LRRTM4: variants seen among roughly 807,000 people sequenced by gnomAD.
LRRTM4 encodes the protein leucine-rich repeat transmembrane neuronal protein 4.
LRRTM4 carries 25 observed loss-of-function variants against 47.6 expected under a neutral mutation model. The observed-to-expected ratio is 0.53, with a 90% CI of 0.38 to 0.73. The LOEUF (loss-of-function observed/expected upper bound fraction) is 0.73, where lower values mean the gene tolerates loss of function less well. Among genes scored for constraint, LRRTM4 ranks in the 30% least tolerant of loss-of-function variants. LRRTM4 has a pLI of 0.00. For missense variants in LRRTM4, 638 were observed against 713.4 expected (o/e 0.89, Z 1.20); for synonymous variants, 311 against 269.5 (o/e 1.15, Z -1.51).
Position 77,411,451 on chromosome 2 carries a change from C to CTT in LRRTM4, c.1551+106865_1551+106866dup, listed in dbSNP as rs138496739. ...CTCTCTCTCTCTCTCTCTCTTTCTTCTTTTTTTTTTTTTTTTTTTGAGACG... is the reference window on the plus strand; with the variant it reads ...CTCTCTCTCTCTCTCTCTCTTTCTTCTTTTTTTTTTTTTTTTTTTTTGAGACG... On this transcript the variant is annotated intron_variant, in intron 3 of 3. Transcript: ENST00000409884. 9.1e-4 allele frequency among the ~76,000 whole-genome samples: 105 copies of CTT among 116,018 alleles called. 1 individual carries two copies. Among genetic ancestry groups the CTT allele is most frequent in the Middle Eastern group, 4.2e-3 (1 of 240 alleles). The allele number at this position is 116,018 out of a possible 152,430, so 76.1% of individuals were successfully genotyped here. A position where few individuals can be genotyped will look rare whatever the true frequency, so the allele number is the denominator to read the frequency against.
At chr2:77,028,831 C>T (rs372303777) in intron 3 of LRRTM4, among the ~76,000 whole-genome samples, 1 of 151,448 alleles carries the variant, frequency 6.6e-6, no homozygotes, top group African/African-American at 2.4e-5. Flanking sequence ...GTCAGGAGAT[C>T]AAGACCATCC....
chr2:77,150,551 C>T (rs995191931), intron 3 of LRRTM4, among the ~76,000 whole-genome samples: 1 of 152,056 alleles, frequency 6.6e-6, no homozygotes, highest in Admixed American at 6.6e-5. Context: ...GTGAACTATG[C>T]CTATTATCAG....
intron 3 of LRRTM4, among the ~76,000 whole-genome samples, chr2:76,917,740 C>T (rs1194620067): frequency 6.6e-6 from 1 of 152,130 alleles, no homozygotes; most frequent in Non-Finnish European, 1.5e-5. Flanking sequence ...AAAGGACAGT[C>T]ATGCCCCTAA....
intron 3 of LRRTM4, among the ~76,000 whole-genome samples, chr2:76,800,595 T>C (rs1444152765): frequency 1.4e-5 from 2 of 140,688 alleles, no homozygotes; most frequent in Admixed American, 7.3e-5. Flanking sequence ...AAGCCAAAAT[T>C]GACAAATGGG....
At chr2:77,079,801 G>T (rs933465579) in intron 3 of LRRTM4, among the ~76,000 whole-genome samples, 3 of 151,680 alleles carry the variant, frequency 2.0e-5, no homozygotes, top group Admixed American at 1.3e-4. Flanking sequence ...TAGAATGATG[G>T]TGATTTTTAT....
chr2:76,780,683 A>C (rs954377371), intron 3 of LRRTM4, among the ~76,000 whole-genome samples: 1 of 152,046 alleles, frequency 6.6e-6, no homozygotes, highest in Non-Finnish European at 1.5e-5. Context: ...AAAGTTTTCA[A>C]CTTCTTTGCC....
intron 3 of LRRTM4, among the ~76,000 whole-genome samples, chr2:76,944,767 C>T (rs1445154960): frequency 1.3e-5 from 2 of 151,916 alleles, no homozygotes; most frequent in Non-Finnish European, 2.9e-5. Context: ...TTCTCAACTT[C>T]CCAAAGTTCA....
chr2:76,817,132 G>C (rs1442527118), intron 3 of LRRTM4, among the ~76,000 whole-genome samples: 3 of 151,950 alleles, frequency 2.0e-5, no homozygotes, highest in Non-Finnish European at 4.4e-5. Flanking sequence ...TTCAAACTGA[G>C]AGGAGGGAGA....
intron 3 of LRRTM4, among the ~76,000 whole-genome samples, chr2:77,367,698 T>C (rs1558710264): frequency 2.0e-5 from 3 of 151,850 alleles, no homozygotes; most frequent in Admixed American, 6.6e-5. Context: ...ACAGAATTGA[T>C]TGTTTCCATT....
chr2:77,467,307 A>T (rs1459647784), intron 3 of LRRTM4, among the ~76,000 whole-genome samples: 1 of 151,972 alleles, frequency 6.6e-6, no homozygotes, highest in Non-Finnish European at 1.5e-5. Flanking sequence ...TGACAGCAAG[A>T]CTCAGCCCCA....
chr2:76,776,796 C>T (rs1271375826), intron 3 of LRRTM4, among the ~76,000 whole-genome samples: 15 of 145,272 alleles, frequency 1.0e-4, no homozygotes, highest in Non-Finnish European at 1.7e-4. Context: ...GCTTTTGTTG[C>T]CATTGCTTTT....
chr2:76,976,579 T>C (rs370256759), intron 3 of LRRTM4, among the ~76,000 whole-genome samples: 2 of 151,914 alleles, frequency 1.3e-5, no homozygotes, highest in South Asian at 2.1e-4. Flanking sequence ...ACTAATCCTC[T>C]AAATATTGCT....
intron 3 of LRRTM4, among the ~76,000 whole-genome samples, chr2:77,080,252 T>C (rs963684057): frequency 1.4e-4 from 21 of 152,288 alleles, no homozygotes; most frequent in African/African-American, 4.6e-4. Flanking sequence ...CTTACATAAC[T>C]GGTTGGTTGT....
At chr2:77,048,680 G>A (rs994846829) in intron 3 of LRRTM4, among the ~76,000 whole-genome samples, 17 of 151,842 alleles carry the variant, frequency 1.1e-4, no homozygotes, top group African/African-American at 3.6e-4. Flanking sequence ...TGGGCATAGT[G>A]TGATATTTTG....
intron 3 of LRRTM4, among the ~76,000 whole-genome samples, chr2:76,834,483 T>C (rs1671452831): frequency 1.3e-5 from 2 of 152,046 alleles, no homozygotes; most frequent in African/African-American, 2.4e-5. Flanking sequence ...TAATTAAGTA[T>C]GTTTAAGATC....
chr2:77,465,850 G>A (rs1476649027), intron 3 of LRRTM4, among the ~76,000 whole-genome samples: 1 of 151,876 alleles, frequency 6.6e-6, no homozygotes, highest in African/African-American at 2.4e-5. Flanking sequence ...TGGATATTCT[G>A]TTCCTGGCCT....
At chr2:76,951,927 C>T (rs1235172351) in intron 3 of LRRTM4, among the ~76,000 whole-genome samples, 1 of 151,954 alleles carries the variant, frequency 6.6e-6, no homozygotes, top group African/African-American at 2.4e-5. Context: ...TGATGTCTTC[C>T]AGCTTCATTC....
intron 3 of LRRTM4, among the ~76,000 whole-genome samples, chr2:77,252,486 T>C (rs1196081029): frequency 2.0e-5 from 3 of 152,160 alleles, no homozygotes; most frequent in Non-Finnish European, 2.9e-5. Context: ...TATGACTCTA[T>C]GTAACCACCC....
chr2:77,014,571 G>T (rs1024295444), intron 3 of LRRTM4, among the ~76,000 whole-genome samples: 3 of 151,142 alleles, frequency 2.0e-5, no homozygotes, highest in South Asian at 4.2e-4. Context: ...CAGCACTTTG[G>T]GAGGCTGAGG....
Sources: gnomAD v4.1 joint callset for allele counts (sites outside exome capture counted in the v4.1 genomes callset) on GRCh38, gnomAD v4.1.1 for gene constraint, MANE v1.5 for transcripts, NCBI Gene and HGNC (gene_info 2026-07-23, HGNC 2026-07-21) for gene names.